Variants in CHST12 observed in about 807,000 individuals in gnomAD.
CHST12 encodes carbohydrate (chondroitin 4) sulfotransferase 12.
CHST12 carries 23 observed loss-of-function variants against 27.9 expected under a neutral mutation model. That is an observed-to-expected ratio of 0.82 (90% CI 0.59 to 1.17). The LOEUF (loss-of-function observed/expected upper bound fraction) is 1.17, where lower values mean the gene tolerates loss of function less well. Among genes scored for constraint, CHST12 ranks in the 50% most tolerant of loss-of-function variants. CHST12 has a pLI of 0.00. For synonymous variants in CHST12, 322 were observed against 273.0 expected (o/e 1.18, Z -1.77); for missense variants, 682 against 603.0 (o/e 1.13, Z -1.37).
At chr7:2,409,814 C>G (rs565956071) in intron 1 of CHST12, among the ~76,000 whole-genome samples, 1 of 152,290 alleles carries the variant, frequency 6.6e-6, no homozygotes, top group Admixed American at 6.5e-5. Context: ...GATGGAATGG[C>G]GGCCCTCGCC....
In CHST12 at chr7:2,441,116, G is replaced by C. The variant is rs887116764; in HGVS notation, c.*7232G>C. 1 of 152,392 alleles carries C rather than the reference G, an allele frequency of 6.6e-6. No homozygotes were observed. Among genetic ancestry groups the C allele is most frequent in the Non-Finnish European group, 1.5e-5 (1 of 68,242 alleles). The allele number at this position is 152,392 out of a possible 1,614,324, so 9.4% of individuals were successfully genotyped here. A position where few individuals can be genotyped will look rare whatever the true frequency, so the allele number is the denominator to read the frequency against. The stretch of plus-strand genomic sequence containing the variant: ...CAGCAGGGGCGGCTGGGCTTGACTC[G>C]AGAATTCCCACAGGGCCCGAGGGAA... On this transcript the variant is annotated 3_prime_UTR_variant, in exon 2 of 2. Transcript: ENST00000618655.
Position 2,433,218 on chromosome 7 carries a change from T to C in CHST12, c.579T>C (p.Gly193=). ...IVLSGSLLHR[G]APYRDPLRIP... The stretch of plus-strand genomic sequence containing the variant: ...TGAGCGGAAGCCTGCTGCACCGCGG[T>C]GCGCCCTACCGCGACCCGCTGCGCA... Residue 193 remains glycine, a synonymous_variant, in exon 2 of 2, where the codon GGT becomes GGC. Transcript: ENST00000618655. This position sits in a 1 kb window ranked among gnomAD's most constrained non-coding sequence, Gnocchi z 6.1. 6.2e-7 allele frequency: 1 copy of C among 1,612,496 alleles called. No homozygotes were observed. Among genetic ancestry groups the C allele is most frequent in the Admixed American group, 1.7e-5 (1 of 59,992 alleles).
intron 1 of CHST12, among the ~76,000 whole-genome samples, chr7:2,413,723 CTTT>C (rs1198072520): frequency 1.9e-5 from 2 of 104,094 alleles, no homozygotes; most frequent in Non-Finnish European, 3.8e-5. Context: ...CAGGTTTTAG[CTTT>C]TTTTTTTTTT....
intron 1 of CHST12, 37 bp from the exon 2 acceptor site, chr7:2,432,518 CCCAGTGCA>C: frequency 5.2e-6 from 6 of 1,148,772 alleles, no homozygotes; most frequent in Non-Finnish European, 7.2e-6. Flanking sequence ...GAGTCAGAGC[CCCAGTGCA>C]CCTCAGTCAT....
intron 1 of CHST12, among the ~76,000 whole-genome samples, chr7:2,415,430 G>A (rs1781777515): frequency 2.0e-5 from 3 of 151,762 alleles, no homozygotes; most frequent in Admixed American, 1.3e-4. Flanking sequence ...ATAGCATTAT[G>A]TCTAAGAAAC....
intron 1 of CHST12, among the ~76,000 whole-genome samples, chr7:2,405,438 A>G (rs1487143552): frequency 6.6e-6 from 1 of 152,174 alleles, no homozygotes; most frequent in Non-Finnish European, 1.5e-5. Flanking sequence ...AGTAAAAAAA[A>G]GACTGGAAAG....
chr7:2,429,705 C>T (rs1336063161), intron 1 of CHST12, among the ~76,000 whole-genome samples: 1 of 152,062 alleles, frequency 6.6e-6, no homozygotes. Flanking sequence ...GCTGCAGGAT[C>T]TATAATTTCA....
At position 2,433,500 on chromosome 7, in the gene CHST12, G is replaced by A. The variant is rs561753184; in HGVS notation, c.861G>A (p.Ser287=). The A allele has an allele frequency of 1.8e-5, 29 of 1,611,912 alleles. No individual in the cohort carries two copies. Among genetic ancestry groups the A allele is most frequent in the Middle Eastern group, 1.6e-4 (1 of 6,062 alleles). The change falls in exon 2 of 2, where the codon TCG becomes TCA. Residue 287 remains serine (S), a synonymous_variant. Coordinates refer to ENST00000618655, the MANE Select transcript of CHST12 (RefSeq NM_018641.5). This position sits in a 1 kb window ranked among gnomAD's most constrained non-coding sequence, Gnocchi z 6.1. ...LYANHTSLPA[S]AREAFRAGLK... is the part of the protein sequence containing the mutation. Reference sequence around the variant, plus strand: ...CCAACCACACCAGCCTGCCCGCCTCGGCGCGCGAGGCCTTCCGCGCTGGCC... The same window carrying A: ...CCAACCACACCAGCCTGCCCGCCTCAGCGCGCGAGGCCTTCCGCGCTGGCC...
At chr7:2,415,103 C>T (rs1373615234) in intron 1 of CHST12, among the ~76,000 whole-genome samples, 2 of 152,188 alleles carry the variant, frequency 1.3e-5, no homozygotes, top group African/African-American at 2.4e-5. Flanking sequence ...TGGTGGCTCA[C>T]GCCTCAGTCC....
rs1486945618 is a variant in CHST12, at chr7:2,441,328, T to C, written c.*7444T>C. On this transcript the variant is annotated 3_prime_UTR_variant, in exon 2 of 2. Transcript: ENST00000618655. ...CAGCCTAGGTCTCCTGCCCCTGGGC[T>C]GGAGTTCATCTTTTAGGCAAATTTG... is the stretch of plus-strand genomic sequence containing the variant. The C allele has an allele frequency of 1.3e-5, 2 of 152,230 alleles. No individual in the cohort carries two copies. The highest frequency in any genetic ancestry group is 4.8e-5 in the African/African-American group (2 of 41,456). 9.4% of individuals were successfully genotyped at this position (152,230 alleles called of 1,614,324 possible). A position where few individuals can be genotyped will look rare whatever the true frequency, so the allele number is the denominator to read the frequency against.
In CHST12 at chr7:2,426,011, C is replaced by T. The variant is rs138454155; in HGVS notation, c.-77-6552C>T. Among the ~76,000 whole-genome samples the T allele has an allele frequency of 1.6e-3, 239 of 151,906 alleles. 5 individuals are homozygous for T. The East Asian group carries it at 0.041, about 26-fold the overall frequency. On this transcript the variant is annotated intron_variant, in intron 1 of 1. Coordinates refer to ENST00000618655, the MANE Select transcript of CHST12 (RefSeq NM_018641.5). ...GGAGGGAGAGACAGGCTGGGGACGA[C>T]GGGGCTCGCTAGATCAGCAGGGGAC...
Position 2,439,848 on chromosome 7 carries a change from C to G in CHST12, c.*5964C>G, listed in dbSNP as rs1782559631. On this transcript the variant is annotated 3_prime_UTR_variant, in exon 2 of 2. Transcript: ENST00000618655. The stretch of plus-strand genomic sequence containing the variant: ...GAGCGGAGATTGGCGCCACTACACT[C>G]CAGCCTGGGCGACAGAGCGAGACTC... 1 of 151,964 alleles carries G rather than the reference C, an allele frequency of 6.6e-6. No homozygotes were observed. The highest frequency in any genetic ancestry group is 1.5e-5 in the Non-Finnish European group (1 of 68,026). 9.4% of individuals were successfully genotyped at this position (151,964 alleles called of 1,614,324 possible).
At chr7:2,410,644 G>A (rs145359535) in intron 1 of CHST12, among the ~76,000 whole-genome samples, 66 of 152,276 alleles carry the variant, frequency 4.3e-4, no homozygotes, top group African/African-American at 1.4e-3. Context: ...GGAGGTGAGC[G>A]TCAAGCAGAG....
At chr7:2,409,955 T>C (rs28712717) in intron 1 of CHST12, among the ~76,000 whole-genome samples, 98,565 of 151,914 alleles carry the variant, frequency 0.65, 32,269 homozygotes, top group East Asian at 0.8. Context: ...CACTTTTTTT[T>C]TTTTTCCTTT....
In CHST12 at chr7:2,403,665, G is replaced by GGGCGC. The variant is rs1781443247; in HGVS notation, c.-85_-84insGCGCG. Reference sequence around the variant, plus strand: ...CGCGAGGTGAGGGGCGCGAGGTGAGGGTCGCGAGGTGAGGGGCGCGGCGGG... The same window carrying GGGCGC: ...CGCGAGGTGAGGGGCGCGAGGTGAGGGGCGCGTCGCGAGGTGAGGGGCGCGGCGGG... On this transcript the variant is annotated 5_prime_UTR_variant, in exon 1 of 2. Transcript: ENST00000618655. 1 of 148,044 alleles carries GGGCGC rather than the reference G, an allele frequency of 6.8e-6. No homozygotes were observed. The allele number at this position is 148,044 out of a possible 1,614,324, so 9.2% of individuals were successfully genotyped here.
In CHST12 at chr7:2,437,373, G is replaced by A. The variant is rs1782497787; in HGVS notation, c.*3489G>A. 6.6e-6 allele frequency: 1 copy of A among 152,272 alleles called. No homozygotes were observed. The highest frequency in any genetic ancestry group is 1.5e-5 in the Non-Finnish European group (1 of 68,064). The allele number at this position is 152,272 out of a possible 1,614,324, so 9.4% of individuals were successfully genotyped here. A position where few individuals can be genotyped will look rare whatever the true frequency, so the allele number is the denominator to read the frequency against. ...GACTCGCCTCCCAGCGTCTGATGCTGTGTATTTTCCATCTGCCCCAGGAAT... is the reference window on the plus strand; with the variant it reads ...GACTCGCCTCCCAGCGTCTGATGCTATGTATTTTCCATCTGCCCCAGGAAT... On this transcript the variant is annotated 3_prime_UTR_variant, in exon 2 of 2. Transcript: ENST00000618655.
At chr7:2,427,270 G>A (rs1782147816) in intron 1 of CHST12, among the ~76,000 whole-genome samples, 1 of 152,126 alleles carries the variant, frequency 6.6e-6, no homozygotes, top group African/African-American at 2.4e-5. Flanking sequence ...AGGCCGAGGT[G>A]GCCAGCTTGC....
rs1057030571 is a variant in CHST12 at position 2,438,122 on chromosome 7, C to T, written c.*4238C>T. 1 of 152,310 alleles carries T rather than the reference C, an allele frequency of 6.6e-6. No individual in the cohort carries two copies. Among genetic ancestry groups the T allele is most frequent in the South Asian group, 2.1e-4 (1 of 4,834 alleles). The allele number at this position is 152,310 out of a possible 1,614,324, so 9.4% of individuals were successfully genotyped here. A position where few individuals can be genotyped will look rare whatever the true frequency, so the allele number is the denominator to read the frequency against. On this transcript the variant is annotated 3_prime_UTR_variant, in exon 2 of 2. Coordinates refer to ENST00000618655, the MANE Select transcript of CHST12 (RefSeq NM_018641.5). ...GTCTGCTTCCTGGTGCAGACCAGGTCTCCCCAGAGGGACCCTCCTGAGCTG... is the reference window on the plus strand; with the variant it reads ...GTCTGCTTCCTGGTGCAGACCAGGTTTCCCCAGAGGGACCCTCCTGAGCTG...
At chr7:2,406,037 G>T (rs1215492932) in intron 1 of CHST12, among the ~76,000 whole-genome samples, 3 of 152,092 alleles carry the variant, frequency 2.0e-5, no homozygotes, top group African/African-American at 7.2e-5. Flanking sequence ...TGGGTCAGGG[G>T]CTGAAGGAGC....
Sources: allele counts gnomAD v4.1 joint callset (sites outside exome capture counted in the v4.1 genomes callset), GRCh38; gene constraint gnomAD v4.1.1; non-coding constraint Gnocchi (gnomAD v3.1); transcripts MANE v1.5; gene names NCBI Gene and HGNC (gene_info 2026-07-23, HGNC 2026-07-21).